SCNN1B: variants seen among roughly 807,000 people sequenced by gnomAD.
SCNN1B encodes sodium channel epithelial 1 subunit beta.
Under a neutral mutation model 65.3 loss-of-function variants are expected in SCNN1B, and 46 were observed. The observed-to-expected ratio is 0.70, with a 90% confidence interval of 0.56 to 0.90. The LOEUF (loss-of-function observed/expected upper bound fraction) is 0.90. Among genes scored for constraint, SCNN1B ranks in the 40% least tolerant of loss-of-function variants. The pLI is 0.00. For missense variants in SCNN1B, 751 were observed against 830.5 expected (o/e 0.90, Z 1.18); for synonymous variants, 349 against 330.6 (o/e 1.06, Z -0.60).
intron 1 of SCNN1B, among the ~76,000 whole-genome samples, chr16:23,327,050 G>GCATGCATGCATCA (rs1961711697): frequency 6.6e-6 from 1 of 152,038 alleles, no homozygotes; most frequent in South Asian, 2.1e-4. Context: ...CCAAGAAGCT[G>GCATGCATGCATCA]GGACTACAGG....
rs2142050442 is a variant in SCNN1B at position 23,380,534 on chromosome 16, C to T, written c.1656C>T (p.Ile552=). Residue 552 remains isoleucine (I), a synonymous_variant, in exon 13 of 13, where the codon ATC becomes ATT. Coordinates refer to ENST00000343070, the MANE Select transcript of SCNN1B (RefSeq NM_000336.3). This position sits in a 1 kb window ranked among gnomAD's most constrained non-coding sequence, Gnocchi z 5.4. ...TCATCGACTTTGTGTGGATCACCATCATCAAGCTGGTGGCCTTGGCCAAGA... is the reference window on the plus strand; with the variant it reads ...TCATCGACTTTGTGTGGATCACCATTATCAAGCTGGTGGCCTTGGCCAAGA... ...EIIIDFVWIT[I]IKLVALAKSL... The T allele has an allele frequency of 6.2e-7, 1 of 1,614,196 alleles. No homozygotes were observed. The highest frequency in any genetic ancestry group is 1.3e-5 in the African/African-American group (1 of 75,040).
Position 23,334,391 on chromosome 16 carries a change from T to TCG in SCNN1B, c.-8-14201_-8-14200insCG, listed in dbSNP as rs1171563201. Among the ~76,000 whole-genome samples, 5 of 152,200 alleles carry TCG rather than the reference T, an allele frequency of 3.3e-5. No individual in the cohort carries two copies. In the East Asian group the frequency reaches 9.6e-4, roughly 29 times the overall value. On this transcript the variant is annotated intron_variant, in intron 1 of 12. Transcript: ENST00000343070. ...TTCCAGCCTTTTTCGAGTCATGGAC[T>TCG]ATATACATGCATACTGTATGCACAG...
intron 1 of SCNN1B, among the ~76,000 whole-genome samples, chr16:23,319,590 A>G (rs900664929): frequency 5.3e-5 from 8 of 152,168 alleles, no homozygotes; most frequent in African/African-American, 1.9e-4. Context: ...CATGTTATCT[A>G]CGGCTGCTTT....
At chr16:23,325,210 A>G (rs1362293514) in intron 1 of SCNN1B, among the ~76,000 whole-genome samples, 1 of 151,924 alleles carries the variant, frequency 6.6e-6, no homozygotes, top group Non-Finnish European at 1.5e-5. Context: ...CCCAAGGCAG[A>G]TTTTTCTAGT....
Position 23,348,039 on chromosome 16 carries a change from A to T in SCNN1B, c.-8-553A>T, listed in dbSNP as rs1334733877. On this transcript the variant is annotated intron_variant, in intron 1 of 12. Transcript: ENST00000343070. This position sits in a 1 kb window ranked among gnomAD's most constrained non-coding sequence, Gnocchi z 4.5. Reference sequence around the variant, plus strand: ...GGCCACAGGCGGGAACCCACCCTACACAGGACACATTCCATTGCAGAGCAC... The same window carrying T: ...GGCCACAGGCGGGAACCCACCCTACTCAGGACACATTCCATTGCAGAGCAC... Among the ~76,000 whole-genome samples, 1 of 152,190 alleles carries T rather than the reference A, an allele frequency of 6.6e-6. No individual in the cohort carries two copies. The highest frequency in any genetic ancestry group is 1.5e-5 in the Non-Finnish European group (1 of 68,028).
chr16:23,373,459 C>T (rs1229501896), intron 7 of SCNN1B, among the ~76,000 whole-genome samples: 1 of 152,160 alleles, frequency 6.6e-6, no homozygotes, highest in Non-Finnish European at 1.5e-5. Context: ...CTTCAATCCC[C>T]CTTGCTGTAG....
chr16:23,349,002 C>A, intron 2 of SCNN1B, 92 bp downstream of exon 2: 1 of 1,017,384 alleles, frequency 9.8e-7, no homozygotes, highest in Non-Finnish European at 1.5e-6. Flanking sequence ...TCCTTCCTTT[C>A]CTTCCTTCTC....
At chr16:23,306,586 A>C (rs1169254718) in intron 1 of SCNN1B, among the ~76,000 whole-genome samples, 1 of 152,222 alleles carries the variant, frequency 6.6e-6, no homozygotes, top group Non-Finnish European at 1.5e-5. Context: ...TCTTCAAGTA[A>C]GACGCTGCAA....
At chr16:23,334,490 G>C (rs1961894866) in intron 1 of SCNN1B, among the ~76,000 whole-genome samples, 1 of 152,174 alleles carries the variant, frequency 6.6e-6, no homozygotes, top group South Asian at 2.1e-4. Context: ...GGGGACAGGG[G>C]TGCTCCAGCC....
At chr16:23,340,587 G>A (rs549747482) in intron 1 of SCNN1B, among the ~76,000 whole-genome samples, 1 of 152,120 alleles carries the variant, frequency 6.6e-6, no homozygotes, top group Non-Finnish European at 1.5e-5. Context: ...ATAGAGACAG[G>A]TTGTCACTGT....
intron 1 of SCNN1B, among the ~76,000 whole-genome samples, chr16:23,302,646 G>T (rs1220698401): frequency 2.0e-5 from 3 of 152,178 alleles, no homozygotes; most frequent in Admixed American, 2.0e-4. Context: ...CTGGAGGCTG[G>T]GAAAAGCCCC....
chr16:23,293,910 T>C (rs1027696089), intron 2 of SCNN1B, among the ~76,000 whole-genome samples: 6 of 151,928 alleles, frequency 3.9e-5, no homozygotes, highest in Non-Finnish European at 7.4e-5. Flanking sequence ...GGCAACAGAG[T>C]GAAACCCTGT....
At chr16:23,346,200 CTTTTTTTTTTTTTTTT>C (rs753802362) in intron 1 of SCNN1B, among the ~76,000 whole-genome samples, 11 of 78,014 alleles carry the variant, frequency 1.4e-4, no homozygotes, top group Admixed American at 1.5e-4. Context: ...TTTTCCTTTT[CTTTTTTTTTTTTTTTT>C]TTTTTTTTTT....
At chr16:23,333,415 C>G (rs1961871170) in intron 1 of SCNN1B, among the ~76,000 whole-genome samples, 2 of 152,294 alleles carry the variant, frequency 1.3e-5, no homozygotes, top group East Asian at 3.9e-4. Context: ...GTCTAGAGAC[C>G]TCTTCTCTGC....
chr16:23,360,576 TTGG>T (rs1271865478), intron 4 of SCNN1B, among the ~76,000 whole-genome samples: 5 of 146,742 alleles, frequency 3.4e-5, no homozygotes, highest in Non-Finnish European at 5.9e-5. Context: ...GACTTTGTTG[TTGG>T]TGGTGGTGGT....
chr16:23,343,581 G>GAGAAAGA (rs1555487053), intron 1 of SCNN1B, among the ~76,000 whole-genome samples: 2 of 70,324 alleles, frequency 2.8e-5, no homozygotes, highest in East Asian at 3.9e-4. Flanking sequence ...GAAAGAAAAA[G>GAGAAAGA]AGAAAGAAAG....
In SCNN1B at chr16:23,308,701, C is replaced by T. The variant is rs189311941; in HGVS notation, c.-9+6264C>T. Reference sequence around the variant, plus strand: ...CCAGACTGGAGTGCAGTGGCACGAACTTGGCTCACTGCAACCTCCACCTCG... The same window carrying T: ...CCAGACTGGAGTGCAGTGGCACGAATTTGGCTCACTGCAACCTCCACCTCG... On this transcript the variant is annotated intron_variant, in intron 1 of 12. Transcript: ENST00000343070. 3.3e-5 allele frequency among the ~76,000 whole-genome samples: 5 copies of T among 152,308 alleles called. No individual in the cohort carries two copies. In the East Asian group the frequency reaches 9.6e-4, roughly 29 times the overall value.
intron 1 of SCNN1B, among the ~76,000 whole-genome samples, chr16:23,343,581 GAGAAAGAAAGAAAGAA>G (rs200738425): frequency 0.051 from 3,603 of 70,346 alleles, 115 homozygotes; most frequent in Non-Finnish European, 0.062. Flanking sequence ...GAAAGAAAAA[GAGAAAGAAAGAAAGAA>G]AGAAAGAAAG....
intron 2 of SCNN1B, among the ~76,000 whole-genome samples, chr16:23,350,931 A>G (rs932720058): frequency 4.6e-5 from 7 of 151,900 alleles, no homozygotes. Context: ...AAAAGAAAAG[A>G]AAGAAAGCAA....
Sources: allele counts gnomAD v4.1 joint callset (sites outside exome capture counted in the v4.1 genomes callset), GRCh38; gene constraint gnomAD v4.1.1; non-coding constraint Gnocchi (gnomAD v3.1); transcripts MANE v1.5; gene names NCBI Gene and HGNC (gene_info 2026-07-23, HGNC 2026-07-21).